SPATA6: variants seen among roughly 807,000 people sequenced by gnomAD.
SPATA6 encodes the protein spermatogenesis associated 6.
SPATA6 carries 56 observed loss-of-function variants against 65.3 expected under a neutral mutation model. The ratio of observed to expected loss-of-function variants is 0.86; its 90% confidence interval spans 0.69 to 1.07. The LOEUF is 1.07. SPATA6 is among the 50% of genes least tolerant of loss of function. The probability of loss-of-function intolerance (pLI) is 0.00; values close to 1 mark genes in which losing one functional copy is unlikely to be tolerated. For missense variants in SPATA6, 590 were observed against 594.8 expected (o/e 0.99, Z 0.08); for synonymous variants, 199 against 213.2 (o/e 0.93, Z 0.58).
intron 11 of SPATA6, among the ~76,000 whole-genome samples, chr1:48,350,901 TA>T (rs1207025733): frequency 6.6e-6 from 1 of 151,946 alleles, no homozygotes; most frequent in Non-Finnish European, 1.5e-5. Flanking sequence ...CAATATCTAC[TA>T]AAAACATGTG....
chr1:48,311,487 CTATT>C (rs1355847715), intron 11 of SPATA6, among the ~76,000 whole-genome samples: 1 of 152,018 alleles, frequency 6.6e-6, no homozygotes, highest in African/African-American at 2.4e-5. Context: ...AAGATAAAAA[CTATT>C]TAAACAGATC....
chr1:48,277,874 C>T, the SPATA6 span, among the ~76,000 whole-genome samples: 1 of 152,368 alleles, frequency 6.6e-6, no homozygotes, highest in East Asian at 1.9e-4. Flanking sequence ...GGCAGACTGC[C>T]TCCTCAAGTG....
At chr1:48,347,407 G>A (rs1412461875) in intron 11 of SPATA6, among the ~76,000 whole-genome samples, 1 of 147,894 alleles carries the variant, frequency 6.8e-6, no homozygotes, top group African/African-American at 2.5e-5. Flanking sequence ...ACGGGCCTAT[G>A]TATATATAAT....
intron 11 of SPATA6, chr1:48,355,423 TATAAG>T (rs1284370129): frequency 9.4e-6 from 3 of 320,296 alleles, no homozygotes; most frequent in Non-Finnish European, 1.7e-5. Flanking sequence ...ACTGAAACTT[TATAAG>T]ATAATTATCA....
At chr1:48,411,340 A>G (rs1224059601) in intron 5 of SPATA6, 124 bp downstream of exon 5, 1 of 1,104,554 alleles carries the variant, frequency 9.1e-7, no homozygotes, top group Non-Finnish European at 1.2e-6. Flanking sequence ...AAACTACAAA[A>G]CAATTAAGTA....
At chr1:48,448,505 AAAG>A (rs1395093508) in intron 3 of SPATA6, among the ~76,000 whole-genome samples, 2 of 152,062 alleles carry the variant, frequency 1.3e-5, no homozygotes, top group Non-Finnish European at 2.9e-5. Flanking sequence ...AAAAAAAAAA[AAAG>A]ACGTTCTCCA....
At position 48,427,406 on chromosome 1, in the gene SPATA6, T is replaced by C. The variant is rs1344065168; in HGVS notation, c.239-14255A>G. On this transcript the variant is annotated intron_variant, in intron 3 of 12. Coordinates refer to ENST00000371847, the MANE Select transcript of SPATA6 (RefSeq NM_019073.4). ...GGCAAAATGATCCAAAATACTATAA[T>C]AGTAGTTCCTAATTAAGAAAATTGA... Among the ~76,000 whole-genome samples the C allele has an allele frequency of 2.3e-5, 3 of 131,878 alleles. No homozygotes were observed. The East Asian group carries it at 6.6e-4, about 29-fold the overall frequency. The allele number at this position is 131,878 out of a possible 152,430, so 86.5% of individuals were successfully genotyped here.
chr1:48,436,178 T>A lies in SPATA6; in HGVS notation c.238+15374A>T, dbSNP rs1157709720. 6 of 1,611,080 alleles carry A rather than the reference T, an allele frequency of 3.7e-6. No homozygotes were observed. The South Asian group carries it at 4.4e-5, about 12-fold the overall frequency. On this transcript the variant is annotated intron_variant, in intron 3 of 12. Transcript: ENST00000371847. Reference sequence around the variant, plus strand: ...GAAACAGGAAGAGGATTTGACAACTTGACTTCTGTCCATCTTGCATGGCAT... The same window carrying A: ...GAAACAGGAAGAGGATTTGACAACTAGACTTCTGTCCATCTTGCATGGCAT...
At chr1:48,280,611 C>T in the SPATA6 span, among the ~76,000 whole-genome samples, 2 of 152,170 alleles carry the variant, frequency 1.3e-5, no homozygotes, top group Admixed American at 6.5e-5. Flanking sequence ...TCGACACATA[C>T]ACCCTCCCAA....
chr1:48,305,911 T>A (rs1645050370), intron 11 of SPATA6, 33 bp from the exon 12 acceptor site: 1 of 1,523,362 alleles, frequency 6.6e-7, no homozygotes, highest in South Asian at 1.1e-5. Flanking sequence ...ATTAACTCAC[T>A]GTCTCATTGT....
At chr1:48,394,425 GA>G in intron 8 of SPATA6, among the ~76,000 whole-genome samples, 1 of 152,180 alleles carries the variant, frequency 6.6e-6, no homozygotes, top group South Asian at 2.1e-4. Context: ...TTCCAAGAGA[GA>G]AAACAGTATG....
chr1:48,423,476 A>C (rs985191754), intron 3 of SPATA6, among the ~76,000 whole-genome samples: 3 of 151,058 alleles, frequency 2.0e-5, no homozygotes, highest in East Asian at 3.9e-4. Flanking sequence ...AAAAAAAAAA[A>C]CAGAAAAATG....
chr1:48,382,822 C>T, intron 9 of SPATA6, among the ~76,000 whole-genome samples: 1 of 127,408 alleles, frequency 7.8e-6, no homozygotes, highest in African/African-American at 2.9e-5. Context: ...CCCCCCCCAC[C>T]TCCCTCCCGG....
intron 9 of SPATA6, among the ~76,000 whole-genome samples, chr1:48,378,118 T>C (rs535596439): frequency 4.6e-5 from 7 of 152,220 alleles, no homozygotes; most frequent in Admixed American, 1.3e-4. Flanking sequence ...ATTTCTATTA[T>C]ATTAAGTTTC....
At chr1:48,433,638 C>T (rs558706117) in intron 3 of SPATA6, among the ~76,000 whole-genome samples, 1 of 152,126 alleles carries the variant, frequency 6.6e-6, no homozygotes, top group Non-Finnish European at 1.5e-5. Flanking sequence ...TGTACCAGCA[C>T]AAACAGCTGC....
chr1:48,374,311 TAA>T (rs776265583), intron 9 of SPATA6, among the ~76,000 whole-genome samples: 1 of 139,344 alleles, frequency 7.2e-6, no homozygotes, highest in Admixed American at 7.2e-5. Flanking sequence ...TGTAATTTTA[TAA>T]AAAAAAAAAA....
chr1:48,325,401 C>G, intron 11 of SPATA6: 1 of 1,374,348 alleles, frequency 7.3e-7, no homozygotes, highest in Non-Finnish European at 1.0e-6. Flanking sequence ...GCCCAAGGAG[C>G]CAGGGCCCTC....
At chr1:48,388,711 AT>A (rs113509381) in intron 8 of SPATA6, among the ~76,000 whole-genome samples, 459 of 142,404 alleles carry the variant, frequency 3.2e-3, no homozygotes, top group Non-Finnish European at 3.1e-3. Flanking sequence ...AATACATTTG[AT>A]TTTTTTTTTT....
chr1:48,430,301 A>G (rs990426462), intron 3 of SPATA6, among the ~76,000 whole-genome samples: 1 of 152,174 alleles, frequency 6.6e-6, no homozygotes, highest in Non-Finnish European at 1.5e-5. Flanking sequence ...CGCATCAGAA[A>G]CTGGAGGTCA....
Sources: allele counts gnomAD v4.1 joint callset (sites outside exome capture counted in the v4.1 genomes callset), GRCh38; gene constraint gnomAD v4.1.1; transcripts MANE v1.5; gene names NCBI Gene and HGNC (gene_info 2026-07-23, HGNC 2026-07-21).